The following C7 variants were observed in gnomAD, a reference collection of about 807,000 sequenced individuals.
C7 encodes complement C7, also known as complement component C7.
A neutral mutation model predicts 104.8 loss-of-function variants in C7; 83 were observed. The observed-to-expected ratio is 0.79, with a 90% CI of 0.66 to 0.95. C7 has a LOEUF of 0.95. C7 is among the 40% of genes least tolerant of loss of function. C7 has a pLI of 0.00. For missense variants in C7, 1,070 were observed against 1,011.2 expected (o/e 1.06, Z -0.79); for synonymous variants, 415 against 360.6 (o/e 1.15, Z -1.71).
At chr5:40,977,620 G>A (rs1740846924) in intron 16 of C7, among the ~76,000 whole-genome samples, 1 of 152,166 alleles carries the variant, frequency 6.6e-6, no homozygotes. Context: ...GCGTGAGCCA[G>A]GGGCATAAAC....
chr5:40,947,571 A>G (rs573846149), intron 7 of C7, 31 bp from the exon 8 acceptor site: 2 of 1,610,160 alleles, frequency 1.2e-6, no homozygotes, highest in Admixed American at 1.7e-5. Context: ...CTTCCACCTA[A>G]AACTCCTTGT....
intron 1 of C7, among the ~76,000 whole-genome samples, chr5:40,910,504 G>A (rs1010222873): frequency 7.2e-5 from 11 of 152,052 alleles, no homozygotes; most frequent in African/African-American, 2.7e-4. Context: ...TCTTGATTAA[G>A]CCATGCCTTC....
intron 1 of C7, among the ~76,000 whole-genome samples, chr5:40,924,614 C>T (rs1158173782): frequency 1.3e-5 from 2 of 152,082 alleles, no homozygotes; most frequent in Non-Finnish European, 2.9e-5. Flanking sequence ...TCCACCCCTA[C>T]AGCCAGCTTC....
At chr5:40,937,996 A>AG (rs1739852894) in intron 6 of C7, among the ~76,000 whole-genome samples, 1 of 152,166 alleles carries the variant, frequency 6.6e-6, no homozygotes, top group Non-Finnish European at 1.5e-5. Flanking sequence ...GACCCTGTCC[A>AG]TGACTGGTAA....
intron 14 of C7, 126 bp downstream of exon 14, chr5:40,964,999 C>T (rs750945140): frequency 2.7e-6 from 3 of 1,107,760 alleles, no homozygotes; most frequent in Non-Finnish European, 2.7e-6. Context: ...CTGACATGAT[C>T]CTGTTCAAGT....
At chr5:40,977,644 T>G (rs1188576590) in intron 16 of C7, among the ~76,000 whole-genome samples, 2 of 152,186 alleles carry the variant, frequency 1.3e-5, no homozygotes, top group Admixed American at 6.5e-5. Flanking sequence ...TCAACTGCAC[T>G]GTCCTTCCTG....
chr5:40,910,541 C>T (rs1415466244), intron 1 of C7, among the ~76,000 whole-genome samples: 1 of 151,870 alleles, frequency 6.6e-6, no homozygotes, highest in Non-Finnish European at 1.5e-5. Flanking sequence ...TAAAATTAAA[C>T]ACAAATAACA....
intron 9 of C7, among the ~76,000 whole-genome samples, chr5:40,952,027 A>G (rs1193390427): frequency 6.6e-6 from 1 of 152,210 alleles, no homozygotes; most frequent in Non-Finnish European, 1.5e-5. Context: ...GAAGTGGAAA[A>G]AGAATGATCT....
chr5:40,942,939 A>G (rs1052124495), intron 6 of C7, among the ~76,000 whole-genome samples: 1 of 151,824 alleles, frequency 6.6e-6, no homozygotes, highest in Non-Finnish European at 1.5e-5. Flanking sequence ...TAATTTTTGT[A>G]TTTTTAGTAG....
chr5:40,937,529 T>TCTCCTC (rs759384138), intron 5 of C7, 23 bp from the exon 6 acceptor site: 4 of 1,569,158 alleles, frequency 2.5e-6, no homozygotes, highest in Non-Finnish European at 3.4e-6. Context: ...ATTTCCTCCT[T>TCTCCTC]CTCCTCCTCC....
chr5:40,934,009 C>CA (rs1739751228), intron 3 of C7, among the ~76,000 whole-genome samples: 1 of 149,040 alleles, frequency 6.7e-6, no homozygotes. Context: ...GATCTCAGCT[C>CA]ACTGCAATCA....
chr5:40,972,502 G>A lies in C7; in HGVS notation c.1982G>A (p.Gly661Asp), dbSNP rs1313401268. 1.4e-5 allele frequency: 22 copies of A among 1,613,650 alleles called. No individual in the cohort carries two copies. The highest frequency in any genetic ancestry group is 7.6e-6 in the Non-Finnish European group (9 of 1,179,792). The change falls in exon 15 of 18, where the codon GGT (glycine) becomes GAT (aspartate). Residue 661 changes from glycine (G) to aspartate (D), a missense_variant. Transcript: ENST00000313164. Reference protein sequence around the residue: ...VGEKVTVSCSGGMSLEGPSAF... With the variant: ...VGEKVTVSCSDGMSLEGPSAF... ...GAGAAGGTGACTGTTTCCTGTTCAG[G>A]TGGCATGTCCTTAGAAGGTCCTTCA...
intron 1 of C7, among the ~76,000 whole-genome samples, chr5:40,910,791 CAA>C (rs35542606): frequency 3.4e-5 from 3 of 88,610 alleles, no homozygotes; most frequent in African/African-American, 4.3e-5. Context: ...GACTCTCTCT[CAA>C]AAAAAAAAAA....
At chr5:40,925,380 A>G (rs1739530842) in intron 1 of C7, among the ~76,000 whole-genome samples, 1 of 152,192 alleles carries the variant, frequency 6.6e-6, no homozygotes, top group South Asian at 2.1e-4. Context: ...TCTCATTTCC[A>G]TCTGAGACTT....
chr5:40,945,421 C>T, intron 7 of C7, 53 bp downstream of exon 7: 2 of 1,202,026 alleles, frequency 1.7e-6, no homozygotes, highest in Non-Finnish European at 1.2e-6. Context: ...TTAAGTATTG[C>T]TTACATTAAT....
chr5:40,952,618 A>G (rs1177871694), intron 9 of C7, among the ~76,000 whole-genome samples: 2 of 152,004 alleles, frequency 1.3e-5, no homozygotes, highest in East Asian at 3.9e-4. Flanking sequence ...TACATTAGGT[A>G]TATCTCCTAA....
chr5:40,930,343 T>C (rs1739655219), intron 2 of C7, among the ~76,000 whole-genome samples: 4 of 151,270 alleles, frequency 2.6e-5, no homozygotes, highest in Admixed American at 6.6e-5. Context: ...GTAGCCGGGA[T>C]TATAGGCATG....
intron 13 of C7, among the ~76,000 whole-genome samples, chr5:40,963,831 G>A (rs1395860539): frequency 1.3e-5 from 2 of 152,006 alleles, no homozygotes; most frequent in Admixed American, 6.6e-5. Context: ...AGCCCCAGCA[G>A]CATTCCATAC....
intron 6 of C7, among the ~76,000 whole-genome samples, chr5:40,941,644 G>A (rs918698975): frequency 1.3e-5 from 2 of 152,112 alleles, no homozygotes; most frequent in African/African-American, 4.8e-5. Flanking sequence ...CATAAGAGCG[G>A]CCTGAGAAAA....
Sources: allele counts gnomAD v4.1 joint callset (sites outside exome capture counted in the v4.1 genomes callset), GRCh38; gene constraint gnomAD v4.1.1; transcripts MANE v1.5; gene names NCBI Gene and HGNC (gene_info 2026-07-23, HGNC 2026-07-21).